ZNF568: variants seen among roughly 807,000 people sequenced by gnomAD.
ZNF568 encodes zinc finger protein 568.
ZNF568 carries 11 observed loss-of-function variants against 18.1 expected under a neutral mutation model. The ratio of observed to expected loss-of-function variants is 0.61; its 90% CI spans 0.38 to 1.00. The LOEUF (loss-of-function observed/expected upper bound fraction) is 1.00. Ranked by LOEUF, ZNF568 falls within the 50% of genes least tolerant of loss-of-function variation. ZNF568 has a pLI of 0.01. For missense variants in ZNF568, 639 were observed against 768.2 expected (o/e 0.83, Z 1.99); for synonymous variants, 213 against 246.6 (o/e 0.86, Z 1.28).
In ZNF568 at chr19:36,940,349, C is replaced by T. The variant is rs569433; in HGVS notation, c.358+3107C>T. 2.4e-3 allele frequency among the ~76,000 whole-genome samples: 360 copies of T among 152,304 alleles called. 1 individual carries two copies. Among genetic ancestry groups the T allele is most frequent in the African/African-American group, 8.1e-3 (338 of 41,570 alleles). On this transcript the variant is annotated intron_variant, in intron 6 of 6. Transcript: ENST00000333987. ...AATGGTCCTCAATATTTCCAGCCTA[C>T]ATTGGTCTTGCCCATCTCTCAACTA...
intron 2 of ZNF568, among the ~76,000 whole-genome samples, chr19:36,986,706 A>G (rs1274374205): frequency 6.6e-6 from 1 of 152,108 alleles, no homozygotes. Flanking sequence ...GCCCACGTAG[A>G]GCCAGAGTCA....
intron 6 of ZNF568, among the ~76,000 whole-genome samples, chr19:36,962,147 T>G (rs957481719): frequency 1.3e-5 from 2 of 150,772 alleles, no homozygotes; most frequent in Non-Finnish European, 1.5e-5. Context: ...ATTTGTTTTC[T>G]TATTGTCACT....
chr19:36,923,985 T>A (rs755519322), intron 3 of ZNF568, among the ~76,000 whole-genome samples: 34 of 152,168 alleles, frequency 2.2e-4, no homozygotes, highest in Non-Finnish European at 3.7e-4. Flanking sequence ...TCCTTATGAG[T>A]TTTAGCCTCC....
At chr19:36,970,958 C>T (rs1227342399) in intron 6 of ZNF568, among the ~76,000 whole-genome samples, 2 of 151,936 alleles carry the variant, frequency 1.3e-5, no homozygotes, top group African/African-American at 4.8e-5. Flanking sequence ...CTTTTAAACC[C>T]AGGCCTGGGC....
intron 4 of ZNF568, among the ~76,000 whole-genome samples, chr19:36,935,686 A>G (rs2073778696): frequency 6.6e-6 from 1 of 151,922 alleles, no homozygotes; most frequent in Non-Finnish European, 1.5e-5. Context: ...TATAATTGTT[A>G]TATCTTTCTG....
Position 36,933,899 on chromosome 19 carries a change from GTTTTTTTTTTTGTTTTGTTTTTTTGTTTT to G in ZNF568, c.136-2835_136-2807del, listed in dbSNP as rs1198661594. Among the ~76,000 whole-genome samples the G allele has an allele frequency of 1.1e-3, 24 of 21,492 alleles. 1 individual carries two copies. Among genetic ancestry groups the G allele is most frequent in the African/African-American group, 6.5e-3 (24 of 3,682 alleles). 14.1% of individuals were successfully genotyped at this position (21,492 alleles called of 152,430 possible). A position where few individuals can be genotyped will look rare whatever the true frequency, so the allele number is the denominator to read the frequency against. On this transcript the variant is annotated intron_variant, in intron 4 of 6. Transcript: ENST00000333987. ...AGGCCTGAGTTTTTCTTTTGGGTAGGTTTTTTTTTTTGTTTTGTTTTTTTGTTTTTTTTTTTTTTTTTTAGTAATTCAGT... is the reference window on the plus strand; with the variant it reads ...AGGCCTGAGTTTTTCTTTTGGGTAGGTTTTTTTTTTTTTTAGTAATTCAGT...
intron 6 of ZNF568, among the ~76,000 whole-genome samples, chr19:36,939,749 C>T (rs2073850643): frequency 6.6e-6 from 1 of 152,034 alleles, no homozygotes; most frequent in Non-Finnish European, 1.5e-5. Context: ...CCATGTTGGC[C>T]AGGCTGGTCT....
exon 5 of ZNF568, chr19:36,997,042 C>G: frequency 6.4e-7 from 1 of 1,564,164 alleles, no homozygotes; most frequent in African/African-American, 1.4e-5. Context: ...TGAGAAACCC[C>G]ATAAATGTAA....
chr19:36,947,014 GT>G (rs1048823627), intron 6 of ZNF568, among the ~76,000 whole-genome samples: 1 of 149,006 alleles, frequency 6.7e-6, no homozygotes, highest in African/African-American at 2.5e-5. Flanking sequence ...TTTTTTGTTT[GT>G]TTGTTTGTTT....
chr19:36,970,366 G>A lies in ZNF568; in HGVS notation c.359-4054G>A, dbSNP rs2074227099. 4.5e-5 allele frequency among the ~76,000 whole-genome samples: 6 copies of A among 133,836 alleles called. 2 individuals carry two copies. In the Admixed American group the frequency reaches 4.6e-4, roughly 10 times the overall value. The allele number at this position is 133,836 out of a possible 152,430, so 87.8% of individuals were successfully genotyped here. The stretch of plus-strand genomic sequence containing the variant: ...CTTTTCTTTTCTTTTCTTTCTTTTG[G>A]AGACAGTCTCGCTCTGTCGCCCAGG... On this transcript the variant is annotated intron_variant, in intron 6 of 7. Transcript: ENST00000427117.
chr19:36,980,884 G>A (rs73621760), downstream of ZNF568, among the ~76,000 whole-genome samples: 1,994 of 152,302 alleles, frequency 0.013, 46 homozygotes, highest in African/African-American at 0.045. Context: ...AAAGTCCCAA[G>A]ACCGATTACA....
intron 6 of ZNF568, among the ~76,000 whole-genome samples, chr19:36,959,157 A>G (rs2074129918): frequency 6.6e-6 from 1 of 152,078 alleles, no homozygotes; most frequent in Non-Finnish European, 1.5e-5. Flanking sequence ...TGGGTTTGTT[A>G]TATATAACCT....
At chr19:36,957,087 G>C (rs1443741303), downstream of ZNF568, among the ~76,000 whole-genome samples, 1 of 151,898 alleles carries the variant, frequency 6.6e-6, no homozygotes, top group Non-Finnish European at 1.5e-5. Context: ...TCTCATATCT[G>C]CTTCTACATT....
chr19:36,919,439 T>A (rs1207802691), intron 2 of ZNF568, among the ~76,000 whole-genome samples: 1 of 152,148 alleles, frequency 6.6e-6, no homozygotes, highest in African/African-American at 2.4e-5. Context: ...TTCCAGGGAC[T>A]GGGGGATGGG....
At chr19:36,995,775 T>G (rs1030509835) in intron 4 of ZNF568, among the ~76,000 whole-genome samples, 2 of 152,250 alleles carry the variant, frequency 1.3e-5, no homozygotes, top group Admixed American at 6.5e-5. Flanking sequence ...TAGTTTGGAT[T>G]AATACTAGCT....
At chr19:36,924,258 G>A (rs1436013489) in intron 3 of ZNF568, among the ~76,000 whole-genome samples, 3 of 151,538 alleles carry the variant, frequency 2.0e-5, no homozygotes, top group African/African-American at 7.3e-5. Flanking sequence ...TCGCTCTGTC[G>A]CCCAGGCTGG....
chr19:36,934,107 A>G (rs1279259523), intron 4 of ZNF568, among the ~76,000 whole-genome samples: 3 of 151,100 alleles, frequency 2.0e-5, no homozygotes, highest in African/African-American at 7.3e-5. Context: ...TAAGATTAGT[A>G]GTAATGTTTC....
intron 6 of ZNF568, among the ~76,000 whole-genome samples, chr19:36,941,983 A>ATT (rs4006373): frequency 0.2 from 27,440 of 138,132 alleles, 2,832 homozygotes; most frequent in African/African-American, 0.27. Flanking sequence ...TGCTCTGTAA[A>ATT]TTTTTTTTTT....
At chr19:36,972,824 C>T (rs1374967526) in intron 6 of ZNF568, among the ~76,000 whole-genome samples, 1 of 152,236 alleles carries the variant, frequency 6.6e-6, no homozygotes, top group Non-Finnish European at 1.5e-5. Context: ...CACTCCCTGA[C>T]CCTCCGTTTG....
Sources: allele counts gnomAD v4.1 joint callset (sites outside exome capture counted in the v4.1 genomes callset), GRCh38; gene constraint gnomAD v4.1.1; transcripts MANE v1.5; gene names NCBI Gene and HGNC (gene_info 2026-07-23, HGNC 2026-07-21).